Variants in GNAI1 observed in about 807,000 individuals in gnomAD.
GNAI1 encodes the protein G protein subunit alpha i1.
In GNAI1, 11 loss-of-function variants were observed where a neutral mutation model predicts 38.9. The ratio of observed to expected loss-of-function variants is 0.28; its 90% CI spans 0.18 to 0.47. GNAI1 has a LOEUF of 0.47. Ranked by LOEUF, GNAI1 falls within the 20% of genes least tolerant of loss-of-function variation. The probability of loss-of-function intolerance (pLI) is 0.99; values close to 1 mark genes in which losing one functional copy is unlikely to be tolerated. For synonymous variants in GNAI1, 166 were observed against 145.1 expected (o/e 1.14, Z -1.04); for missense variants, 317 against 436.9 (o/e 0.73, Z 2.45).
At chr7:80,187,395 A>G (rs1347063584) in intron 1 of GNAI1, 4 of 152,240 alleles carry the variant, frequency 2.6e-5, no homozygotes, top group African/African-American at 9.7e-5. Flanking sequence ...GAGAATTCAA[A>G]TACAAACATG....
intron 1 of GNAI1, among the ~76,000 whole-genome samples, chr7:80,162,294 C>T (rs1202265838): frequency 1.3e-5 from 2 of 152,278 alleles, no homozygotes; most frequent in Middle Eastern, 3.4e-3. Flanking sequence ...GTCTGTGATA[C>T]TCTCTTACAG....
At chr7:80,213,722 T>C (rs561891927) in intron 7 of GNAI1, among the ~76,000 whole-genome samples, 18 of 152,048 alleles carry the variant, frequency 1.2e-4, no homozygotes, top group Non-Finnish European at 2.4e-4. Flanking sequence ...AGTTTTACTT[T>C]AGTGAAGAGC....
intron 3 of GNAI1, among the ~76,000 whole-genome samples, chr7:80,196,883 G>A (rs1397295690): frequency 6.6e-6 from 1 of 151,774 alleles, no homozygotes. Flanking sequence ...TAGTAGAGTA[G>A]GTTAACATGC....
At chr7:80,137,133 A>T (rs1364705513) in intron 1 of GNAI1, among the ~76,000 whole-genome samples, 3 of 152,050 alleles carry the variant, frequency 2.0e-5, no homozygotes, top group African/African-American at 7.3e-5. Flanking sequence ...AGCGTTAGTT[A>T]AGGACCACTG....
rs533371119 is a variant in GNAI1, at chr7:80,186,023, C to CTTTTTTT, written c.119-2907_119-2901dup. ...AGTTAATAAGACTGCCATCCGCACT[C>CTTTTTTT]TTTTTTTTTTTTTTTTTTTTTTTTT... On this transcript the variant is annotated intron_variant, in intron 1 of 7. Coordinates refer to ENST00000649796, the MANE Select transcript of GNAI1 (RefSeq NM_002069.6). 6.8e-5 allele frequency among the ~76,000 whole-genome samples: 7 copies of CTTTTTTT among 103,514 alleles called. 1 individual carries two copies. The highest frequency in any genetic ancestry group is 1.1e-4 in the Non-Finnish European group (6 of 53,314). 67.9% of individuals were successfully genotyped at this position (103,514 alleles called of 152,430 possible).
intron 1 of GNAI1, among the ~76,000 whole-genome samples, chr7:80,178,913 A>G (rs1235011790): frequency 6.6e-6 from 1 of 152,232 alleles, no homozygotes. Context: ...AAGACTATCC[A>G]TAATTATACT....
Position 80,225,203 on chromosome 7 carries a change from GT to G in GNAI1, c.*7711del, listed in dbSNP as rs1025095943. Among the ~76,000 whole-genome samples, 2 of 152,120 alleles carry G rather than the reference GT, an allele frequency of 1.3e-5. No homozygotes were observed. The highest frequency in any genetic ancestry group is 1.3e-4 in the Admixed American group (2 of 15,270). ...GGTTTGGTGTAATATAGCCTTTCCT[GT>G]GGGGGGAAAACCCATCTCATTTTCA... On this transcript the variant is annotated 3_prime_UTR_variant, in exon 8 of 8. Coordinates refer to ENST00000649796, the MANE Select transcript of GNAI1 (RefSeq NM_002069.6).
At chr7:80,135,820 A>T (rs17153480) in intron 1 of GNAI1, 3 of 985,128 alleles carry the variant, frequency 3.0e-6, no homozygotes, top group Non-Finnish European at 1.2e-6. Flanking sequence ...TTAACTTCCT[A>T]TGGCGACTCC....
In GNAI1 at chr7:80,199,362, GC is replaced by G; in HGVS notation, c.442del (p.Asn149MetfsTer8). The G allele has an allele frequency of 6.2e-7, 1 of 1,608,370 alleles. No homozygotes were observed. The highest frequency in any genetic ancestry group is 8.5e-7 in the Non-Finnish European group (1 of 1,176,588). ...GTTTCAACAGATCCCGAGAGTACCA[GC>G]TTAATGATTCTGCAGCATAGTAAGT... Reference protein sequence around the residue: ...ACFNRSREYQLNDSAAYYLND... With the variant: ...ACFNRSREYQXNDSAAYYLND... On this transcript the variant is annotated frameshift_variant, in exon 4 of 8. Coordinates refer to ENST00000649796, the MANE Select transcript of GNAI1 (RefSeq NM_002069.6). LOFTEE classifies it high-confidence loss of function.
At chr7:80,169,142 G>A (rs1788060930) in intron 1 of GNAI1, among the ~76,000 whole-genome samples, 1 of 152,090 alleles carries the variant, frequency 6.6e-6, no homozygotes, top group Admixed American at 6.5e-5. Flanking sequence ...TTAAAATAGG[G>A]GGTAAGAACT....
At chr7:80,214,767 T>C (rs1409395249) in intron 7 of GNAI1, among the ~76,000 whole-genome samples, 1 of 152,166 alleles carries the variant, frequency 6.6e-6, no homozygotes, top group Admixed American at 6.5e-5. Context: ...TCTGCTCCTG[T>C]GTTACCCTTC....
In GNAI1 at chr7:80,197,606, T is replaced by G. The variant is rs1254656124; in HGVS notation, c.304-1619T>G. Among the ~76,000 whole-genome samples the G allele has an allele frequency of 2.6e-5, 4 of 152,152 alleles. No individual in the cohort carries two copies. In the East Asian group the frequency reaches 5.8e-4, roughly 22 times the overall value. ...ATGTATAGGTAATAATTTGGATAAT[T>G]GAATAATTGTTTACTGGAATTAGAC... is the stretch of plus-strand genomic sequence containing the variant. On this transcript the variant is annotated intron_variant, in intron 3 of 7. Transcript: ENST00000649796.
chr7:80,154,172 C>T (rs1407330650), intron 1 of GNAI1, among the ~76,000 whole-genome samples: 4 of 152,174 alleles, frequency 2.6e-5, no homozygotes. Flanking sequence ...GTCTGCCCAC[C>T]TTGGCCTTCC....
intron 1 of GNAI1, among the ~76,000 whole-genome samples, chr7:80,149,512 A>G (rs1309792699): frequency 1.3e-5 from 2 of 152,156 alleles, no homozygotes; most frequent in Non-Finnish European, 2.9e-5. Flanking sequence ...TGTTCTTGTA[A>G]TTATCTGCAC....
intron 5 of GNAI1, among the ~76,000 whole-genome samples, chr7:80,209,670 G>A (rs1246751594): frequency 6.6e-6 from 1 of 152,158 alleles, no homozygotes; most frequent in Middle Eastern, 3.2e-3. Flanking sequence ...GATGGACAGA[G>A]GATGTGTGAC....
chr7:80,150,946 A>T (rs1356207693), intron 1 of GNAI1, among the ~76,000 whole-genome samples: 1 of 152,118 alleles, frequency 6.6e-6, no homozygotes, highest in African/African-American at 2.4e-5. Flanking sequence ...AGTCTATATC[A>T]GTCCTCCAGA....
intron 1 of GNAI1, among the ~76,000 whole-genome samples, chr7:80,148,437 G>T (rs1787665593): frequency 6.6e-6 from 1 of 151,902 alleles, no homozygotes; most frequent in Non-Finnish European, 1.5e-5. Context: ...TAGGACTTAG[G>T]CTTTGTAATT....
At chr7:80,144,614 T>C (rs1420450865) in intron 1 of GNAI1, among the ~76,000 whole-genome samples, 1 of 152,130 alleles carries the variant, frequency 6.6e-6, no homozygotes, top group Non-Finnish European at 1.5e-5. Context: ...TAGTAACTGA[T>C]CTATATTATT....
intron 5 of GNAI1, among the ~76,000 whole-genome samples, chr7:80,209,239 G>A (rs576826527): frequency 4.0e-4 from 61 of 152,252 alleles, no homozygotes; most frequent in African/African-American, 1.3e-3. Flanking sequence ...TGTATCATCA[G>A]TATTCACCAG....
Sources: gnomAD v4.1 joint callset for allele counts (sites outside exome capture counted in the v4.1 genomes callset) on GRCh38, gnomAD v4.1.1 for gene constraint, MANE v1.5 for transcripts, NCBI Gene and HGNC (gene_info 2026-07-23, HGNC 2026-07-21) for gene names.